BCAR3: variants seen among roughly 807,000 people sequenced by gnomAD.
The protein encoded by BCAR3 is BCAR3 adaptor protein, NSP family member.
Under a neutral mutation model 80.1 loss-of-function variants are expected in BCAR3, and 37 were observed. The ratio of observed to expected loss-of-function variants is 0.46; its 90% CI spans 0.36 to 0.61. The LOEUF is 0.61. Among genes scored for constraint, BCAR3 ranks in the 20% least tolerant of loss-of-function variants. The probability of loss-of-function intolerance (pLI) is 0.00; values close to 1 mark genes in which losing one functional copy is unlikely to be tolerated. For synonymous variants in BCAR3, 389 were observed against 418.9 expected, an observed-to-expected ratio of 0.93 and a Z score of 0.87; for missense variants, 978 against 1,068.2, an observed-to-expected ratio of 0.92 and a Z score of 1.18.
At chr1:93,600,025 C>T (rs974306897) in intron 3 of BCAR3, among the ~76,000 whole-genome samples, 2 of 152,228 alleles carry the variant, frequency 1.3e-5, no homozygotes, top group South Asian at 4.1e-4. Context: ...TGTCATATTG[C>T]CCCTAGGTTC....
At chr1:93,672,795 C>A (rs1648277120) in intron 2 of BCAR3, among the ~76,000 whole-genome samples, 1 of 152,316 alleles carries the variant, frequency 6.6e-6, no homozygotes, top group South Asian at 2.1e-4. Context: ...CAGTTCAGGG[C>A]TCTCTAGTGG....
intron 2 of BCAR3, chr1:93,775,456 A>G (rs1490707136): frequency 6.6e-6 from 1 of 152,224 alleles, no homozygotes; most frequent in Non-Finnish European, 1.5e-5. Context: ...TGTGATGCGG[A>G]CAGGTCCAGG....
intron 4 of BCAR3, among the ~76,000 whole-genome samples, chr1:93,590,615 C>G (rs17110124): frequency 0.14 from 21,234 of 152,182 alleles, 2,775 homozygotes; most frequent in African/African-American, 0.34. Context: ...TTTTCTGGAA[C>G]ATTCCAACAT....
At chr1:93,630,463 A>T (rs1283143829) in intron 3 of BCAR3, among the ~76,000 whole-genome samples, 1 of 145,234 alleles carries the variant, frequency 6.9e-6, no homozygotes, top group Non-Finnish European at 1.5e-5. Flanking sequence ...CAGGTCTCTA[A>T]AAAAAAAAAA....
At chr1:93,593,501 T>G (rs545382707) in intron 3 of BCAR3, among the ~76,000 whole-genome samples, 1 of 152,066 alleles carries the variant, frequency 6.6e-6, no homozygotes, top group African/African-American at 2.4e-5. Context: ...CCCTGGTAGC[T>G]AGGACTACAA....
chr1:93,743,432 G>C (rs547355906), intron 2 of BCAR3, among the ~76,000 whole-genome samples: 10 of 152,268 alleles, frequency 6.6e-5, no homozygotes, highest in Non-Finnish European at 1.5e-4. Context: ...AGCCCCAATT[G>C]CTCCATAAAT....
intron 2 of BCAR3, among the ~76,000 whole-genome samples, chr1:93,669,179 G>A (rs1369471062): frequency 6.6e-6 from 1 of 152,174 alleles, no homozygotes; most frequent in South Asian, 2.1e-4. Flanking sequence ...CTAAAGGCTG[G>A]TGTATTTGCG....
intron 3 of BCAR3, among the ~76,000 whole-genome samples, chr1:93,612,919 A>G (rs981513281): frequency 1.3e-5 from 2 of 152,196 alleles, no homozygotes; most frequent in African/African-American, 4.8e-5. Context: ...TTTTAAACAA[A>G]AAGGTTTTCT....
At chr1:93,725,864 C>T (rs928111233) in intron 2 of BCAR3, among the ~76,000 whole-genome samples, 3 of 152,118 alleles carry the variant, frequency 2.0e-5, no homozygotes, top group East Asian at 1.9e-4. Flanking sequence ...TTCCAGGAAT[C>T]GGCAGCTTCA....
At chr1:93,790,651 AT>A (rs1553172483) in intron 2 of BCAR3, among the ~76,000 whole-genome samples, 1,339 of 83,504 alleles carry the variant, frequency 0.016, 16 homozygotes, top group South Asian at 0.1. Context: ...TTTTTTCTTA[AT>A]TTTTTTTTTT....
At chr1:93,568,837 CTTT>C (rs1673084282) in intron 9 of BCAR3, among the ~76,000 whole-genome samples, 1 of 152,132 alleles carries the variant, frequency 6.6e-6, no homozygotes, top group Non-Finnish European at 1.5e-5. Flanking sequence ...GACTTTTCTT[CTTT>C]GAGATGGGGT....
chr1:93,732,217 A>G (rs1214291014), intron 2 of BCAR3, among the ~76,000 whole-genome samples: 3 of 152,252 alleles, frequency 2.0e-5, no homozygotes, highest in Non-Finnish European at 4.4e-5. Flanking sequence ...CTGTTCCTAG[A>G]CAACGTGTCC....
chr1:93,575,945 T>TA, intron 8 of BCAR3, 69 bp downstream of exon 8: 1 of 1,429,184 alleles, frequency 7.0e-7, no homozygotes, highest in Non-Finnish European at 9.8e-7. Flanking sequence ...CTCTTTGTTC[T>TA]AAAACCTGCT....
At chr1:93,673,427 G>A (rs1287878221) in intron 2 of BCAR3, among the ~76,000 whole-genome samples, 18 of 152,106 alleles carry the variant, frequency 1.2e-4, no homozygotes, top group African/African-American at 3.6e-4. Flanking sequence ...GTAAGCCCTG[G>A]GGCTTATGAA....
intron 2 of BCAR3, among the ~76,000 whole-genome samples, chr1:93,785,789 A>G (rs1296889589): frequency 2.0e-5 from 3 of 152,248 alleles, no homozygotes; most frequent in East Asian, 1.9e-4. Flanking sequence ...CACTTTTTCT[A>G]TCAAATGGTG....
chr1:93,683,760 A>G (rs1648882522), upstream of BCAR3, among the ~76,000 whole-genome samples: 2 of 152,354 alleles, frequency 1.3e-5, no homozygotes, highest in Non-Finnish European at 1.5e-5. Flanking sequence ...AAGTGAAGAC[A>G]GTGGTTATAT....
intron 3 of BCAR3, among the ~76,000 whole-genome samples, chr1:93,686,961 T>C (rs1648995895): frequency 6.6e-6 from 1 of 152,182 alleles, no homozygotes; most frequent in Non-Finnish European, 1.5e-5. Context: ...ATAGGTCAGG[T>C]TCCCCAGTTA....
chr1:93,633,947 C>T (rs998596433), intron 3 of BCAR3, among the ~76,000 whole-genome samples: 2 of 152,330 alleles, frequency 1.3e-5, no homozygotes. Flanking sequence ...TAAGGTCAGG[C>T]TTATTGGGTA....
At chr1:93,817,889 C>T (rs1654075268) in intron 2 of BCAR3, among the ~76,000 whole-genome samples, 1 of 152,252 alleles carries the variant, frequency 6.6e-6, no homozygotes, top group African/African-American at 2.4e-5. Context: ...CCTCCCAGTT[C>T]ACCTTCCCCT....
Sources: allele counts gnomAD v4.1 joint callset (sites outside exome capture counted in the v4.1 genomes callset), GRCh38; gene constraint gnomAD v4.1.1; transcripts MANE v1.5; gene names NCBI Gene and HGNC (gene_info 2026-07-23, HGNC 2026-07-21).